PIK3C2A: variants seen among roughly 807,000 people sequenced by gnomAD.
PIK3C2A encodes phosphatidylinositol-4-phosphate 3-kinase catalytic subunit type 2 alpha.
Under a neutral mutation model 204.5 loss-of-function variants are expected in PIK3C2A, and 97 were observed. The ratio of observed to expected loss-of-function variants is 0.47; its 90% CI spans 0.40 to 0.56. PIK3C2A has a LOEUF of 0.56. Ranked by LOEUF, PIK3C2A falls within the 20% of genes least tolerant of loss-of-function variation. The pLI is 0.00. For missense variants in PIK3C2A, 1,735 were observed against 1,969.2 expected, an observed-to-expected ratio of 0.88 and a Z score of 2.25; for synonymous variants, 653 against 664.4, an observed-to-expected ratio of 0.98 and a Z score of 0.26.
chr11:17,113,579 C>T lies in PIK3C2A; in HGVS notation c.3321+782G>A, dbSNP rs553685833. Among the ~76,000 whole-genome samples the T allele has an allele frequency of 1.1e-3, 160 of 151,270 alleles. 1 individual carries two copies. The highest frequency in any genetic ancestry group is 1.6e-3 in the Non-Finnish European group (109 of 67,856). The stretch of plus-strand genomic sequence containing the variant: ...GGTGGCTCACCTGAGGTCAGGAGTT[C>T]GAGACCAGCCTGGCCAACACGGCGA... On this transcript the variant is annotated intron_variant, in intron 20 of 32. Coordinates refer to ENST00000691414, the MANE Select transcript of PIK3C2A (RefSeq NM_002645.4).
chr11:17,162,507 A>C lies in PIK3C2A; in HGVS notation c.1065+6170T>G, dbSNP rs148320945. Among the ~76,000 whole-genome samples the C allele has an allele frequency of 3.7e-4, 56 of 152,340 alleles. No individual in the cohort carries two copies. In the East Asian group the frequency reaches 0.01, roughly 28 times the overall value. ...GTTCAGCCTAACAATTTCTCCATGC[A>C]TAGTGAACTGTAACCTAACTGGATG... On this transcript the variant is annotated intron_variant, in intron 2 of 32. Transcript: ENST00000691414.
At chr11:17,164,516 C>A (rs1850885828) in intron 2 of PIK3C2A, among the ~76,000 whole-genome samples, 1 of 152,198 alleles carries the variant, frequency 6.6e-6, no homozygotes, top group East Asian at 1.9e-4. Context: ...TGGCAAGTAG[C>A]CTAAGCCATG....
intron 22 of PIK3C2A, 33 bp from the exon 23 acceptor site, chr11:17,105,338 T>C: frequency 1.3e-6 from 2 of 1,558,310 alleles, no homozygotes; most frequent in Non-Finnish European, 1.7e-6. Context: ...TATGTAAAAC[T>C]GTCTCTCCAA....
intron 6 of PIK3C2A, among the ~76,000 whole-genome samples, chr11:17,146,805 G>A (rs2137426061): frequency 6.6e-6 from 1 of 151,992 alleles, no homozygotes; most frequent in Middle Eastern, 3.4e-3. Context: ...CAAATTTTAT[G>A]AAATAGTCTT....
At chr11:17,195,741 G>GTAT (rs370053887) in intron 1 of PIK3C2A, among the ~76,000 whole-genome samples, 1 of 131,784 alleles carries the variant, frequency 7.6e-6, no homozygotes, top group Non-Finnish European at 1.6e-5. Flanking sequence ...AGACTCTATT[G>GTAT]CAAAAAAAAA....
rs373528338 is a variant in PIK3C2A, at chr11:17,135,008, G to A, written c.1919C>T (p.Pro640Leu). ...TAATTGGTTTATGCTTACTTGAACAGGATTTTCAGGATTAAGTGAGCCTAG... is the reference window on the plus strand; with the variant it reads ...TAATTGGTTTATGCTTACTTGAACAAGATTTTCAGGATTAAGTGAGCCTAG... ...STRGSLNPENPVQVSINQLTA... is the reference protein window; with the variant it reads ...STRGSLNPENLVQVSINQLTA... The change falls in exon 11 of 33, where the codon CCT becomes CTT. Residue 640 changes from proline to leucine, a missense_variant. Physicochemically the swap from Pro to Leu is moderately conservative, Grantham distance 98. Coordinates refer to ENST00000691414, the MANE Select transcript of PIK3C2A (RefSeq NM_002645.4). 1 of 1,613,768 alleles carries A rather than the reference G, an allele frequency of 6.2e-7. No individual in the cohort carries two copies. Among genetic ancestry groups the A allele is most frequent in the Non-Finnish European group, 8.5e-7 (1 of 1,179,852 alleles).
chr11:17,114,101 AAAT>A (rs929745220), intron 20 of PIK3C2A, among the ~76,000 whole-genome samples: 2 of 151,304 alleles, frequency 1.3e-5, no homozygotes, highest in African/African-American at 4.8e-5. Context: ...ATAAATAAAT[AAAT>A]AAATAAATAA....
chr11:17,142,276 A>C (rs1227802505), intron 8 of PIK3C2A, among the ~76,000 whole-genome samples: 1 of 152,222 alleles, frequency 6.6e-6, no homozygotes, highest in Non-Finnish European at 1.5e-5. Flanking sequence ...TTTCAGAGTC[A>C]ATCAGTATAG....
At chr11:17,204,378 G>C (rs1414738009) in intron 1 of PIK3C2A, 1 of 152,168 alleles carries the variant, frequency 6.6e-6, no homozygotes, top group African/African-American at 2.4e-5. Context: ...GTCGAATCCT[G>C]AATAAGGAAA....
rs1159672810 is a variant in PIK3C2A, at chr11:17,089,589, A to G, written c.*149T>C. The G allele has an allele frequency of 1.8e-6, 1 of 545,960 alleles. No individual in the cohort carries two copies. The highest frequency in any genetic ancestry group is 3.5e-5 in the Admixed American group (1 of 28,372). 33.8% of individuals were successfully genotyped at this position (545,960 alleles called of 1,614,324 possible). On this transcript the variant is annotated 3_prime_UTR_variant, in exon 33 of 33. Coordinates refer to ENST00000691414, the MANE Select transcript of PIK3C2A (RefSeq NM_002645.4). Reference sequence around the variant, plus strand: ...TGGTCCAACAGATGTGTTGAAATGCAGCAAGTATATTTAACTTTATAAGTT... The same window carrying G: ...TGGTCCAACAGATGTGTTGAAATGCGGCAAGTATATTTAACTTTATAAGTT...
Position 17,087,598 on chromosome 11 carries a change from G to A in PIK3C2A, c.*2140C>T, listed in dbSNP as rs1848190423. 6.6e-6 allele frequency: 1 copy of A among 152,166 alleles called. No individual in the cohort carries two copies. The highest frequency in any genetic ancestry group is 1.5e-5 in the Non-Finnish European group (1 of 68,012). 9.4% of individuals were successfully genotyped at this position (152,166 alleles called of 1,614,324 possible). A position where few individuals can be genotyped will look rare whatever the true frequency, so the allele number is the denominator to read the frequency against. ...AGACTGCAAAAAGGCAGTACATGTT[G>A]AGTCTAATTAACGACCTCTACCAAG... On this transcript the variant is annotated 3_prime_UTR_variant, in exon 33 of 33. Transcript: ENST00000691414.
At chr11:17,201,049 C>G (rs998559579) in intron 1 of PIK3C2A, among the ~76,000 whole-genome samples, 1 of 150,750 alleles carries the variant, frequency 6.6e-6, no homozygotes, top group East Asian at 2.0e-4. Flanking sequence ...CTACTAAAAA[C>G]CCAAAAATTA....
chr11:17,203,296 C>T (rs1852450914), intron 1 of PIK3C2A, among the ~76,000 whole-genome samples: 1 of 150,042 alleles, frequency 6.7e-6, no homozygotes, highest in Admixed American at 6.6e-5. Flanking sequence ...AGTTCAAGAC[C>T]AGCCTGGTCA....
rs1052813505 is a variant in PIK3C2A at position 17,207,907 on chromosome 11, C to G, written c.-125G>C. The G allele has an allele frequency of 5.2e-5, 8 of 152,854 alleles. No individual in the cohort carries two copies. The highest frequency in any genetic ancestry group is 1.9e-4 in the African/African-American group (8 of 41,598). 9.5% of individuals were successfully genotyped at this position (152,854 alleles called of 1,614,324 possible). On this transcript the variant is annotated 5_prime_UTR_variant, in exon 1 of 33. Transcript: ENST00000691414. Reference sequence around the variant, plus strand: ...CTGAGCCGCCGAAGCCGCCACAGTCCGAGCCATTTTTCCCCTCAGCTGGCT... The same window carrying G: ...CTGAGCCGCCGAAGCCGCCACAGTCGGAGCCATTTTTCCCCTCAGCTGGCT...
At chr11:17,194,190 G>C in intron 1 of PIK3C2A, 2 of 513,662 alleles carry the variant, frequency 3.9e-6, no homozygotes, top group Non-Finnish European at 6.1e-6. Flanking sequence ...AAGGGGCTTG[G>C]GTTGTGCCGG....
intron 32 of PIK3C2A, among the ~76,000 whole-genome samples, chr11:17,090,137 T>A (rs893178088): frequency 6.6e-6 from 1 of 152,094 alleles, no homozygotes; most frequent in South Asian, 2.1e-4. Context: ...ATGTCTGACA[T>A]AGAGAGATAC....
intron 1 of PIK3C2A, among the ~76,000 whole-genome samples, chr11:17,205,422 C>T (rs2137595427): frequency 7.8e-6 from 1 of 127,760 alleles, no homozygotes; most frequent in Admixed American, 9.8e-5. Context: ...TGCAGTGAGC[C>T]AAGATCGTGC....
At chr11:17,183,038 C>T (rs1851617753) in intron 1 of PIK3C2A, among the ~76,000 whole-genome samples, 1 of 152,134 alleles carries the variant, frequency 6.6e-6, no homozygotes, top group South Asian at 2.1e-4. Context: ...TGAGGTTTTG[C>T]CATGCATGTT....
At chr11:17,120,119 G>A in intron 15 of PIK3C2A, 145 bp from the exon 16 acceptor site, 4 of 491,394 alleles carry the variant, frequency 8.1e-6, no homozygotes, top group Non-Finnish European at 7.1e-6. Context: ...ATAGAAAAAT[G>A]CAATGTATGG....
Sources: gnomAD v4.1 joint callset for allele counts (sites outside exome capture counted in the v4.1 genomes callset) on GRCh38, gnomAD v4.1.1 for gene constraint, MANE v1.5 for transcripts, NCBI Gene and HGNC (gene_info 2026-07-23, HGNC 2026-07-21) for gene names.